The following RREB1 variants were observed in gnomAD, a reference collection of about 807,000 sequenced individuals.
RREB1 encodes the protein ras-responsive element-binding protein 1.
In RREB1, 27 loss-of-function variants were observed where a neutral mutation model predicts 117.8. The observed-to-expected ratio is 0.23, with a 90% CI of 0.17 to 0.32. The LOEUF is 0.32. Ranked by LOEUF, RREB1 falls within the 10% of genes least tolerant of loss-of-function variation. The pLI, the probability that RREB1 is intolerant of heterozygous loss-of-function variation, is 1.00. For missense variants in RREB1, 2,577 were observed against 2,378.2 expected (o/e 1.08, Z -1.74); for synonymous variants, 1,298 against 1,026.7 (o/e 1.26, Z -5.05).
intron 1 of RREB1, among the ~76,000 whole-genome samples, chr6:7,149,727 G>A (rs963878049): frequency 2.6e-5 from 4 of 152,176 alleles, no homozygotes; most frequent in African/African-American, 4.8e-5. Flanking sequence ...CGCTCTGGTC[G>A]CCTAGGCTGG....
chr6:7,155,469 C>T (rs1174622644), intron 1 of RREB1, among the ~76,000 whole-genome samples: 1 of 152,170 alleles, frequency 6.6e-6, no homozygotes, highest in African/African-American at 2.4e-5. Context: ...TGCCACCACA[C>T]CCAGCTAATT....
chr6:7,153,470 C>T (rs1414437388), intron 1 of RREB1, among the ~76,000 whole-genome samples: 1 of 149,934 alleles, frequency 6.7e-6, no homozygotes, highest in Admixed American at 6.6e-5. Context: ...TTACTTTTCA[C>T]ATTTTTAATA....
intron 1 of RREB1, among the ~76,000 whole-genome samples, chr6:7,157,728 A>G (rs191968458): frequency 6.2e-4 from 95 of 152,026 alleles, no homozygotes; most frequent in Non-Finnish European, 7.9e-4. Context: ...CCATACTCCA[A>G]CCTGGGTGAC....
chr6:7,154,772 A>G (rs1763283586), intron 1 of RREB1, among the ~76,000 whole-genome samples: 1 of 152,128 alleles, frequency 6.6e-6, no homozygotes, highest in Non-Finnish European at 1.5e-5. Context: ...CCGCTTGTTC[A>G]TCTTTGGGTG....
intron 1 of RREB1, among the ~76,000 whole-genome samples, chr6:7,115,388 T>A (rs1581400671): frequency 1.9e-5 from 2 of 108,028 alleles, no homozygotes; most frequent in South Asian, 6.5e-4. Context: ...AGACAGGAGG[T>A]AAGGAAACCA....
Position 7,172,592 on chromosome 6 carries a change from T to A in RREB1, c.-284-4063T>A, listed in dbSNP as rs545209242. On this transcript the variant is annotated intron_variant, in intron 1 of 12. Transcript: ENST00000379938. ...TCCCTTCTCACCCAGGAAGAGAAGA[T>A]CAGAGTTGGACGAAGCAGCTCACGG... 3.9e-5 allele frequency among the ~76,000 whole-genome samples: 6 copies of A among 152,098 alleles called. No individual in the cohort carries two copies. In the East Asian group the frequency reaches 1.2e-3, roughly 29 times the overall value.
chr6:7,230,437 C>T lies in RREB1; in HGVS notation c.2338C>T (p.Leu780=), dbSNP rs1767862965. 8 of 1,591,668 alleles carry T rather than the reference C, an allele frequency of 5.0e-6. No homozygotes were observed. The highest frequency in any genetic ancestry group is 6.8e-6 in the Non-Finnish European group (8 of 1,175,170). The change falls in exon 10 of 13, where the codon CTG becomes TTG. Residue 780 remains leucine (L), a synonymous_variant. Coordinates refer to ENST00000379938, the MANE Select transcript of RREB1 (RefSeq NM_001003699.4). ...CATGCGCACGCACTGCGGCCGCGGC[C>T]TGGGCGGGGGCCACAAGGGCCGCAA... ...IHMRTHCGRG[L]GGGHKGRKPF... is the part of the protein sequence containing the mutation.
At chr6:7,118,198 G>A (rs1158915559) in intron 1 of RREB1, among the ~76,000 whole-genome samples, 1 of 152,096 alleles carries the variant, frequency 6.6e-6, no homozygotes, top group Non-Finnish European at 1.5e-5. Flanking sequence ...TCAGCTCACT[G>A]CAACCTCCAC....
chr6:7,137,806 A>T (rs1283060458), intron 1 of RREB1, among the ~76,000 whole-genome samples: 1 of 151,932 alleles, frequency 6.6e-6, no homozygotes, highest in African/African-American at 2.4e-5. Context: ...CCTGCCCTGG[A>T]GCTGCAGCCT....
chr6:7,140,057 G>T (rs975231802), intron 1 of RREB1, among the ~76,000 whole-genome samples: 1 of 152,212 alleles, frequency 6.6e-6, no homozygotes, highest in Non-Finnish European at 1.5e-5. Context: ...AGAGTCCAAG[G>T]TCACATGGAT....
At chr6:7,232,772 T>TC (rs1272228356) in intron 10 of RREB1, among the ~76,000 whole-genome samples, 3 of 150,742 alleles carry the variant, frequency 2.0e-5, no homozygotes, top group African/African-American at 7.3e-5. Context: ...TCTTTTTTTT[T>TC]TTTTTTTTTA....
intron 10 of RREB1, 26 bp downstream of exon 10, chr6:7,231,933 C>G (rs1360490357): frequency 6.4e-7 from 1 of 1,555,984 alleles, no homozygotes; most frequent in African/African-American, 1.4e-5. Context: ...GGCTCCCAGG[C>G]AGTGAGTCCT....
At chr6:7,205,895 T>G (rs941466292) in intron 6 of RREB1, among the ~76,000 whole-genome samples, 3 of 152,206 alleles carry the variant, frequency 2.0e-5, no homozygotes, top group African/African-American at 7.2e-5. Context: ...TACTCCTAGA[T>G]TCAAAGTAGG....
chr6:7,190,054 T>TATA (rs1765321565), intron 6 of RREB1, among the ~76,000 whole-genome samples: 1 of 152,230 alleles, frequency 6.6e-6, no homozygotes, highest in Non-Finnish European at 1.5e-5. Context: ...AAACTTTATA[T>TATA]AACTACTATA....
At chr6:7,218,827 A>T (rs1233504762) in intron 8 of RREB1, 3 of 53,348 alleles carry the variant, frequency 5.6e-5, no homozygotes, top group African/African-American at 1.7e-4. Flanking sequence ...ACTTTCTTTA[A>T]AAAAAAAAAA....
chr6:7,181,935 C>T lies in RREB1; in HGVS notation c.24C>T (p.Gly8=). The T allele has an allele frequency of 1.2e-6, 2 of 1,614,236 alleles. No homozygotes were observed. The highest frequency in any genetic ancestry group is 1.7e-6 in the Non-Finnish European group (2 of 1,180,032). The change falls in exon 4 of 13, where the codon GGC becomes GGT. Residue 8 remains glycine (G), a synonymous_variant. Coordinates refer to ENST00000379938, the MANE Select transcript of RREB1 (RefSeq NM_001003699.4). The part of the protein sequence containing the change: MTSSSPA[G]LEGSDLSSIN... ...CAATGACGTCAAGTTCGCCCGCTGG[C>T]TTGGAAGGTTCAGACCTATCTTCCA...
At position 7,231,477 on chromosome 6, in the gene RREB1, T is replaced by C. The variant is rs766362423; in HGVS notation, c.3378T>C (p.Ser1126=). 4 of 1,612,168 alleles carry C rather than the reference T, an allele frequency of 2.5e-6. No homozygotes were observed. The highest frequency in any genetic ancestry group is 3.3e-5 in the Admixed American group (2 of 59,906). ...CTGCCACCACCAGCCCAAAAGAGTC[T>C]AGTGAGCCTCCCGCTCCAGCCAGCA... ...TPAATTSPKE[S]SEPPAPASSP... The change falls in exon 10 of 13, where the codon TCT becomes TCC. Residue 1126 remains serine, a synonymous_variant. Coordinates refer to ENST00000379938, the MANE Select transcript of RREB1 (RefSeq NM_001003699.4).
At chr6:7,186,695 A>G (rs1036201163) in intron 4 of RREB1, among the ~76,000 whole-genome samples, 2 of 152,216 alleles carry the variant, frequency 1.3e-5, no homozygotes, top group African/African-American at 4.8e-5. Flanking sequence ...TGAAAAAGAC[A>G]AAACATACTG....
At chr6:7,120,178 T>TGGTGGC (rs1346845112) in intron 1 of RREB1, among the ~76,000 whole-genome samples, 1 of 149,066 alleles carries the variant, frequency 6.7e-6, no homozygotes, top group Non-Finnish European at 1.5e-5. Flanking sequence ...AGGCCGGGCG[T>TGGTGGC]GGTGGCTCAT....
Sources: allele counts gnomAD v4.1 joint callset (sites outside exome capture counted in the v4.1 genomes callset), GRCh38; gene constraint gnomAD v4.1.1; transcripts MANE v1.5; gene names NCBI Gene and HGNC (gene_info 2026-07-23, HGNC 2026-07-21).